ZC3H3: variants seen among roughly 807,000 people sequenced by gnomAD.
ZC3H3 encodes zinc finger CCCH domain-containing protein 3.
Under a neutral mutation model 77.3 loss-of-function variants are expected in ZC3H3, and 36 were observed. The ratio of observed to expected loss-of-function variants is 0.47; its 90% CI spans 0.36 to 0.61. ZC3H3 has a LOEUF of 0.61. Among genes scored for constraint, ZC3H3 ranks in the 20% least tolerant of loss-of-function variants. The pLI, the probability that ZC3H3 is intolerant of heterozygous loss-of-function variation, is 0.00. For synonymous variants in ZC3H3, 626 were observed against 555.2 expected (o/e 1.13, Z -1.79); for missense variants, 1,331 against 1,312.2 (o/e 1.01, Z -0.22).
chr8:143,485,666 G>A (rs1454604976), intron 4 of ZC3H3, among the ~76,000 whole-genome samples: 1 of 152,228 alleles, frequency 6.6e-6, no homozygotes, highest in Admixed American at 6.5e-5. Flanking sequence ...CTCATAAAAG[G>A]CTAAAAAACC....
Position 143,507,768 on chromosome 8 carries a change from C to G in ZC3H3, c.1693G>C (p.Ala565Pro). ...PFPLSLPSWR[A>P]RRLSLSRSLV... ...TACCTGGATAGTGAGAGCCGCCGGGCCCGCCAGGAGGGCAGAGACAGGGGG... is the reference window on the plus strand; with the variant it reads ...TACCTGGATAGTGAGAGCCGCCGGGGCCGCCAGGAGGGCAGAGACAGGGGG... The change falls in exon 4 of 12, where the codon GCC becomes CCC. Residue 565 changes from alanine to proline, a missense_variant. Transcript: ENST00000262577. 1 of 1,586,210 alleles carries G rather than the reference C, an allele frequency of 6.3e-7. No homozygotes were observed. Among genetic ancestry groups the G allele is most frequent in the Non-Finnish European group, 8.6e-7 (1 of 1,167,618 alleles).
At chr8:143,477,497 A>G (rs1469237907) in intron 4 of ZC3H3, among the ~76,000 whole-genome samples, 1 of 151,866 alleles carries the variant, frequency 6.6e-6, no homozygotes, top group Non-Finnish European at 1.5e-5. Context: ...CTCTCATCAG[A>G]CCCTGGGGTC....
intron 8 of ZC3H3, among the ~76,000 whole-genome samples, chr8:143,466,741 G>C (rs1230401420): frequency 6.6e-6 from 1 of 152,126 alleles, no homozygotes; most frequent in African/African-American, 2.4e-5. Context: ...AGCACCCCAG[G>C]GTCTCCAGTC....
rs1820829589 is a variant in ZC3H3 at position 143,479,003 on chromosome 8, G to GC, written c.1716-3419dup. ...CTCTTCATGCTTGGGAATGTTCCCA[G>GC]CCCCCCACTGCCCACCATAGCCTGG... On this transcript the variant is annotated intron_variant, in intron 4 of 11. Transcript: ENST00000262577. 2.0e-5 allele frequency among the ~76,000 whole-genome samples: 3 copies of GC among 152,342 alleles called. No individual in the cohort carries two copies. The South Asian group carries it at 6.2e-4, about 32-fold the overall frequency.
chr8:143,500,021 C>G (rs187880303), intron 4 of ZC3H3, among the ~76,000 whole-genome samples: 1 of 152,238 alleles, frequency 6.6e-6, no homozygotes, highest in African/African-American at 2.4e-5. Context: ...CCTTCGACAC[C>G]ACCCCCCAGC....
At position 143,538,122 on chromosome 8, in the gene ZC3H3, C is replaced by T. The variant is rs757921161; in HGVS notation, c.1245G>A (p.Pro415=). ...SQLSPVLSRS[P]SGDRPAVGHS... ...GTCCTACTGCTGGTCTGTCCCCCGA[C>T]GGGGACCTAGACAGGACTGGGGAGA... Residue 415 remains proline (P), a synonymous_variant, in exon 2 of 12, where the codon CCG becomes CCA. Transcript: ENST00000262577. The T allele has an allele frequency of 2.5e-6, 4 of 1,613,170 alleles. No homozygotes were observed. The highest frequency in any genetic ancestry group is 1.1e-5 in the South Asian group (1 of 91,082).
chr8:143,468,779 C>T, intron 5 of ZC3H3, 120 bp from the exon 6 acceptor site: 2 of 1,334,098 alleles, frequency 1.5e-6, no homozygotes, highest in Non-Finnish European at 1.0e-6. Context: ...GCACAGCCTC[C>T]CCTCCAGGAA....
chr8:143,463,461 A>T (rs1044401596), intron 9 of ZC3H3, among the ~76,000 whole-genome samples: 5 of 152,218 alleles, frequency 3.3e-5, no homozygotes, highest in African/African-American at 1.2e-4. Flanking sequence ...CAATGGACAC[A>T]GCCGGACACA....
intron 4 of ZC3H3, among the ~76,000 whole-genome samples, chr8:143,483,959 G>A (rs543664684): frequency 2.0e-5 from 3 of 152,350 alleles, no homozygotes; most frequent in Non-Finnish European, 2.9e-5. Flanking sequence ...CCGTCCAGCC[G>A]CTTGGCTTTC....
chr8:143,507,973 A>C (rs1821758737), intron 3 of ZC3H3, 74 bp from the exon 4 acceptor site: 17 of 1,450,748 alleles, frequency 1.2e-5, no homozygotes, highest in Non-Finnish European at 1.6e-5. Flanking sequence ...GGCCACCCAC[A>C]GTGCCAGCTC....
At position 143,479,195 on chromosome 8, in the gene ZC3H3, C is replaced by T. The variant is rs79036380; in HGVS notation, c.1716-3610G>A. Among the ~76,000 whole-genome samples, 30 of 152,314 alleles carry T rather than the reference C, an allele frequency of 2.0e-4. 1 individual carries two copies. The East Asian group carries it at 5.8e-3, about 29-fold the overall frequency. On this transcript the variant is annotated intron_variant, in intron 4 of 11. Transcript: ENST00000262577. ...GAGAGCTGTCTAGGGTTGCCCTCACCCCTGCCCTCGCCCTGGCTGCCTGGC... is the reference window on the plus strand; with the variant it reads ...GAGAGCTGTCTAGGGTTGCCCTCACTCCTGCCCTCGCCCTGGCTGCCTGGC...
chr8:143,517,935 G>C (rs1822113870), intron 3 of ZC3H3, among the ~76,000 whole-genome samples: 1 of 152,214 alleles, frequency 6.6e-6, no homozygotes, highest in African/African-American at 2.4e-5. Context: ...AGACCTGCTC[G>C]GGGCCAGGAC....
At chr8:143,506,980 C>T (rs541150599) in intron 4 of ZC3H3, among the ~76,000 whole-genome samples, 27 of 152,358 alleles carry the variant, frequency 1.8e-4, no homozygotes, top group African/African-American at 5.5e-4. Context: ...CAGATTCCCG[C>T]GGGGAGGGTC....
chr8:143,516,266 G>A (rs1822037065), intron 3 of ZC3H3, among the ~76,000 whole-genome samples: 1 of 152,192 alleles, frequency 6.6e-6, no homozygotes, highest in Non-Finnish European at 1.5e-5. Context: ...TTTCTTGTAT[G>A]TGATGGCTCC....
chr8:143,495,196 C>A (rs1458385059), intron 4 of ZC3H3, among the ~76,000 whole-genome samples: 1 of 152,120 alleles, frequency 6.6e-6, no homozygotes, highest in African/African-American at 2.4e-5. Context: ...TAATAAAGTG[C>A]GGAACAAGAA....
intron 1 of ZC3H3, among the ~76,000 whole-genome samples, chr8:143,540,217 C>CT (rs11318159): frequency 1.6e-5 from 2 of 122,440 alleles, no homozygotes; most frequent in South Asian, 2.7e-4. Context: ...ATTTTTAAAG[C>CT]TTTTTTTTGT....
chr8:143,540,269 T>C (rs1479814004), intron 1 of ZC3H3, among the ~76,000 whole-genome samples: 1 of 152,384 alleles, frequency 6.6e-6, no homozygotes, highest in East Asian at 1.9e-4. Flanking sequence ...GGTTTTTCTC[T>C]GTTGCCCAGG....
At chr8:143,488,807 AG>A (rs1429713795) in intron 4 of ZC3H3, among the ~76,000 whole-genome samples, 2 of 152,252 alleles carry the variant, frequency 1.3e-5, no homozygotes, top group Non-Finnish European at 2.9e-5. Context: ...AATGACAAAA[AG>A]GCGACTCCCC....
intron 4 of ZC3H3, among the ~76,000 whole-genome samples, chr8:143,495,437 G>A (rs763508374): frequency 6.6e-6 from 1 of 152,222 alleles, no homozygotes; most frequent in Non-Finnish European, 1.5e-5. Flanking sequence ...GGATGCTCCA[G>A]AACAGGCAGC....
Sources: allele counts gnomAD v4.1 joint callset (sites outside exome capture counted in the v4.1 genomes callset), GRCh38; gene constraint gnomAD v4.1.1; transcripts MANE v1.5; gene names NCBI Gene and HGNC (gene_info 2026-07-23, HGNC 2026-07-21).